The following CAMTA1 variants were observed in gnomAD, a reference collection of about 807,000 sequenced individuals.
CAMTA1 encodes the protein calmodulin-binding transcription activator 1.
A neutral mutation model predicts 170.9 loss-of-function variants in CAMTA1; 27 were observed. The observed-to-expected ratio is 0.16, with a 90% CI of 0.12 to 0.22. The LOEUF is 0.22. CAMTA1 is among the 10% of genes least tolerant of loss of function. The pLI is 1.00. For synonymous variants in CAMTA1, 833 were observed against 891.5 expected (o/e 0.93, Z 1.17); for missense variants, 1,619 against 2,217.2 (o/e 0.73, Z 5.42).
At chr1:6,902,242 A>T (rs1045570399) in intron 3 of CAMTA1, among the ~76,000 whole-genome samples, 5 of 152,196 alleles carry the variant, frequency 3.3e-5, no homozygotes, top group African/African-American at 1.2e-4. Context: ...TACCTAAGAG[A>T]ATATAAAGTT....
chr1:7,155,641 G>T (rs1011824631), intron 4 of CAMTA1, among the ~76,000 whole-genome samples: 1 of 152,000 alleles, frequency 6.6e-6, no homozygotes, highest in Non-Finnish European at 1.5e-5. Context: ...ATGTTGTTCA[G>T]GCTGGTCTTG....
At chr1:6,787,509 C>A (rs1443012022) in intron 1 of CAMTA1, among the ~76,000 whole-genome samples, 2 of 152,208 alleles carry the variant, frequency 1.3e-5, no homozygotes, top group Non-Finnish European at 2.9e-5. Context: ...AAATCACATT[C>A]ATTACATATA....
intron 4 of CAMTA1, among the ~76,000 whole-genome samples, chr1:7,147,525 ACACT>A (rs1475293645): frequency 1.3e-5 from 2 of 151,714 alleles, no homozygotes; most frequent in Non-Finnish European, 2.9e-5. Flanking sequence ...GCACACTCAC[ACACT>A]CAAACATACA....
chr1:7,498,191 A>AGTGT (rs1553182530), intron 6 of CAMTA1, among the ~76,000 whole-genome samples: 3 of 148,516 alleles, frequency 2.0e-5, no homozygotes, highest in African/African-American at 7.5e-5. Flanking sequence ...TATGAGAGTG[A>AGTGT]GTGTGTGTGT....
At chr1:7,155,816 C>T (rs1161765141) in intron 4 of CAMTA1, among the ~76,000 whole-genome samples, 1 of 152,114 alleles carries the variant, frequency 6.6e-6, no homozygotes, top group African/African-American at 2.4e-5. Flanking sequence ...GGTACCCCAG[C>T]TCCAAATGAC....
intron 5 of CAMTA1, among the ~76,000 whole-genome samples, chr1:7,400,522 G>A (rs2089809848): frequency 1.3e-5 from 2 of 151,912 alleles, no homozygotes; most frequent in African/African-American, 4.8e-5. Flanking sequence ...TTGTTTCTCT[G>A]ATGGTGTCAT....
At chr1:7,466,526 G>T (rs2093215101) in intron 5 of CAMTA1, among the ~76,000 whole-genome samples, 1 of 152,208 alleles carries the variant, frequency 6.6e-6, no homozygotes. Flanking sequence ...TTTTGGGGGT[G>T]TAAATAATAG....
At chr1:7,331,770 C>T (rs1366592680) in intron 5 of CAMTA1, among the ~76,000 whole-genome samples, 1 of 152,166 alleles carries the variant, frequency 6.6e-6, no homozygotes, top group Non-Finnish European at 1.5e-5. Flanking sequence ...ACCTCTTTGA[C>T]CTTCTCAACT....
chr1:7,652,223 T>G (rs557056204), intron 7 of CAMTA1, among the ~76,000 whole-genome samples: 3 of 152,202 alleles, frequency 2.0e-5, no homozygotes, highest in Admixed American at 2.0e-4. Flanking sequence ...GACCAGCACA[T>G]GCCTCAGGGA....
At position 7,067,524 on chromosome 1, in the gene CAMTA1, A is replaced by T. The variant is rs754746386; in HGVS notation, c.235-23780A>T. On this transcript the variant is annotated intron_variant, in intron 3 of 22. Transcript: ENST00000303635. The surrounding 1 kb of genome is among the most constrained non-coding windows in gnomAD (Gnocchi z 4.3). Reference sequence around the variant, plus strand: ...GTTTAATTCCAGGATTCATTCATTCAACAAATATTTGAGTATCTGCTGCAT... The same window carrying T: ...GTTTAATTCCAGGATTCATTCATTCTACAAATATTTGAGTATCTGCTGCAT... 6.6e-6 allele frequency among the ~76,000 whole-genome samples: 1 copy of T among 152,210 alleles called. No individual in the cohort carries two copies. The highest frequency in any genetic ancestry group is 1.5e-5 in the Non-Finnish European group (1 of 68,040).
chr1:6,796,756 G>C (rs1197109868), intron 1 of CAMTA1, among the ~76,000 whole-genome samples: 1 of 152,160 alleles, frequency 6.6e-6, no homozygotes, highest in Non-Finnish European at 1.5e-5. Context: ...ACTGCTTGCA[G>C]TTCAGTACTA....
Position 6,798,629 on chromosome 1 carries a change from G to A in CAMTA1, c.45+13054G>A, listed in dbSNP as rs562661566. On this transcript the variant is annotated intron_variant, in intron 1 of 22. Coordinates refer to ENST00000303635, the MANE Select transcript of CAMTA1 (RefSeq NM_015215.4). ...TTTTGAGACGGAGTCTCGCTCTGTC[G>A]CCCAGGCCGGACTGCGGACTGCAGT... Among the ~76,000 whole-genome samples the A allele has an allele frequency of 2.9e-3, 275 of 94,150 alleles. 28 individuals carry two copies. Among genetic ancestry groups the A allele is most frequent in the African/African-American group, 0.012 (271 of 22,606 alleles). The allele number at this position is 94,150 out of a possible 152,430, so 61.8% of individuals were successfully genotyped here.
At chr1:6,886,965 T>C (rs953200886) in intron 3 of CAMTA1, among the ~76,000 whole-genome samples, 6 of 152,232 alleles carry the variant, frequency 3.9e-5, no homozygotes, top group Non-Finnish European at 8.8e-5. Flanking sequence ...TTTGAAGTAT[T>C]ATATTCTTCT....
chr1:6,945,208 A>G (rs1467955061), intron 3 of CAMTA1, among the ~76,000 whole-genome samples: 1 of 152,192 alleles, frequency 6.6e-6, no homozygotes, highest in Admixed American at 6.5e-5. Flanking sequence ...TATAGCTTAC[A>G]ATTCACCCAT....
At chr1:7,168,759 A>C (rs1000187706) in intron 4 of CAMTA1, among the ~76,000 whole-genome samples, 2 of 152,256 alleles carry the variant, frequency 1.3e-5, no homozygotes, top group African/African-American at 2.4e-5. Context: ...ATAAACTTGA[A>C]GTTCTAGGAC....
chr1:7,100,479 A>G (rs1642586781), intron 4 of CAMTA1, among the ~76,000 whole-genome samples: 1 of 151,788 alleles, frequency 6.6e-6, no homozygotes, highest in African/African-American at 2.4e-5. Context: ...GCTCACTCTC[A>G]AGTTAACTTG....
chr1:7,027,525 G>A (rs1702180321), intron 3 of CAMTA1, among the ~76,000 whole-genome samples: 1 of 152,134 alleles, frequency 6.6e-6, no homozygotes, highest in African/African-American at 2.4e-5. Context: ...CATTTTCAGG[G>A]TACTCCATCA....
At chr1:7,355,929 T>C (rs1458950318) in intron 5 of CAMTA1, among the ~76,000 whole-genome samples, 1 of 152,226 alleles carries the variant, frequency 6.6e-6, no homozygotes, top group Non-Finnish European at 1.5e-5. Context: ...GATCCACTCA[T>C]GAAAGGACTA....
At chr1:7,313,414 C>T (rs890524400) in intron 5 of CAMTA1, among the ~76,000 whole-genome samples, 16 of 152,200 alleles carry the variant, frequency 1.1e-4, no homozygotes, top group African/African-American at 3.4e-4. Flanking sequence ...GGCATGTGCT[C>T]ACTGTTTTGA....
Sources: gnomAD v4.1 joint callset for allele counts (sites outside exome capture counted in the v4.1 genomes callset) on GRCh38, gnomAD v4.1.1 for gene constraint, Gnocchi (gnomAD v3.1) non-coding constraint, MANE v1.5 for transcripts, NCBI Gene and HGNC (gene_info 2026-07-23, HGNC 2026-07-21) for gene names.